LARS2: variants seen among roughly 807,000 people sequenced by gnomAD.
The protein encoded by LARS2 is leucyl-tRNA synthetase 2, mitochondrial, also known as leucine--tRNA ligase, mitochondrial.
In LARS2, 81 loss-of-function variants were observed where a neutral mutation model predicts 116.6. That is an observed-to-expected ratio of 0.69 (90% confidence interval 0.58 to 0.84). LARS2 has a LOEUF of 0.84. Among genes scored for constraint, LARS2 ranks in the 40% least tolerant of loss-of-function variants. LARS2 has a pLI of 0.00. For synonymous variants in LARS2, 396 were observed against 407.2 expected (o/e 0.97, Z 0.33); for missense variants, 968 against 1,114.5 (o/e 0.87, Z 1.87).
chr3:45,486,851 G>A (rs887019788), intron 11 of LARS2, among the ~76,000 whole-genome samples: 1 of 151,990 alleles, frequency 6.6e-6, no homozygotes, highest in Admixed American at 6.6e-5. Flanking sequence ...TTGTTTGTTT[G>A]TTTGTTTGAT....
intron 10 of LARS2, among the ~76,000 whole-genome samples, chr3:45,484,243 C>G (rs542769231): frequency 6.6e-6 from 1 of 151,804 alleles, no homozygotes; most frequent in Non-Finnish European, 1.5e-5. Context: ...TACATGAAAT[C>G]TTAAAACATG....
intron 6 of LARS2, among the ~76,000 whole-genome samples, chr3:45,429,910 C>T (rs1230106965): frequency 1.3e-5 from 2 of 150,782 alleles, no homozygotes; most frequent in East Asian, 3.9e-4. Flanking sequence ...CCATGTTTTC[C>T]AGGCTGGTCT....
At chr3:45,457,228 A>C (rs986210435) in intron 7 of LARS2, among the ~76,000 whole-genome samples, 23 of 152,226 alleles carry the variant, frequency 1.5e-4, no homozygotes, top group Non-Finnish European at 2.9e-4. Flanking sequence ...GGAAGCAGCC[A>C]GTGTGCCTGT....
chr3:45,471,040 T>TAAAAAAAAAAA (rs55749404), intron 8 of LARS2, among the ~76,000 whole-genome samples: 1 of 43,852 alleles, frequency 2.3e-5, no homozygotes, highest in Non-Finnish European at 4.0e-5. Context: ...ATTACAACAC[T>TAAAAAAAAAAA]AAAAAAAAAA....
chr3:45,444,290 G>A (rs1474530535), intron 6 of LARS2, among the ~76,000 whole-genome samples: 7 of 149,524 alleles, frequency 4.7e-5, no homozygotes, highest in African/African-American at 7.4e-5. Context: ...TGGGATTATA[G>A]GCATGAGCCA....
chr3:45,460,156 A>G (rs921542181), intron 8 of LARS2, among the ~76,000 whole-genome samples: 1 of 152,220 alleles, frequency 6.6e-6, no homozygotes, highest in Non-Finnish European at 1.5e-5. Flanking sequence ...TTGTTTTTCC[A>G]TTTTCATTTA....
At chr3:45,515,046 C>T (rs1206113340) in intron 16 of LARS2, among the ~76,000 whole-genome samples, 2 of 152,160 alleles carry the variant, frequency 1.3e-5, no homozygotes, top group Non-Finnish European at 2.9e-5. Context: ...GTCTGTACAT[C>T]GGTCCCCTGT....
At chr3:45,533,394 G>A (rs1451157236) in intron 20 of LARS2, among the ~76,000 whole-genome samples, 9 of 151,784 alleles carry the variant, frequency 5.9e-5, no homozygotes, top group Non-Finnish European at 8.8e-5. Flanking sequence ...TGATCCGCCC[G>A]CCTCGGCCTA....
At chr3:45,416,606 A>G (rs1698425883) in intron 4 of LARS2, among the ~76,000 whole-genome samples, 1 of 152,214 alleles carries the variant, frequency 6.6e-6, no homozygotes, top group Non-Finnish European at 1.5e-5. Context: ...TTGAATATCC[A>G]ATATCTGCAC....
intron 14 of LARS2, among the ~76,000 whole-genome samples, chr3:45,498,220 G>GC (rs1255838976): frequency 6.6e-6 from 1 of 152,236 alleles, no homozygotes; most frequent in African/African-American, 2.4e-5. Flanking sequence ...GACCGTCACA[G>GC]CCCCCAGTTT....
chr3:45,491,516 G>A lies in LARS2; in HGVS notation c.1240-1G>A, dbSNP rs934134270. Reference sequence around the variant, plus strand: ...TGAGCTTTCTTTTCTTTCCCTGTCAGTTCACAGGTATGACCCGGCAGGATG... The same window carrying A: ...TGAGCTTTCTTTTCTTTCCCTGTCAATTCACAGGTATGACCCGGCAGGATG... On this transcript the variant is annotated splice_acceptor_variant, in intron 12 of 21. Transcript: ENST00000645846. LOFTEE classifies it high-confidence loss of function. The A allele has an allele frequency of 1.9e-6, 3 of 1,613,556 alleles. No homozygotes were observed. The East Asian group carries it at 6.7e-5, about 36-fold the overall frequency.
chr3:45,410,654 C>T (rs1373967408), intron 4 of LARS2, among the ~76,000 whole-genome samples: 1 of 152,202 alleles, frequency 6.6e-6, no homozygotes, highest in Non-Finnish European at 1.5e-5. Context: ...CTTCTCTCCA[C>T]ATGCCAGCTT....
chr3:45,542,078 A>G, intron 21 of LARS2, 122 bp downstream of exon 21: 1 of 1,272,046 alleles, frequency 7.9e-7, no homozygotes, highest in Non-Finnish European at 1.1e-6. Flanking sequence ...CTCAGCCCTC[A>G]GCCACACCTT....
chr3:45,500,867 G>GT (rs1413646808), intron 15 of LARS2, among the ~76,000 whole-genome samples: 1 of 152,064 alleles, frequency 6.6e-6, no homozygotes, highest in Non-Finnish European at 1.5e-5. Flanking sequence ...GGCCCATAGT[G>GT]TTTTATAGCA....
chr3:45,469,736 G>A (rs1322869730), intron 8 of LARS2, among the ~76,000 whole-genome samples: 2 of 152,106 alleles, frequency 1.3e-5, no homozygotes, highest in East Asian at 1.9e-4. Flanking sequence ...GCACATTCTA[G>A]AGGGAATGTC....
At chr3:45,494,874 C>T (rs1640393037) in intron 13 of LARS2, among the ~76,000 whole-genome samples, 1 of 152,136 alleles carries the variant, frequency 6.6e-6, no homozygotes. Flanking sequence ...TCGAGACCAG[C>T]CTGGCCAACA....
intron 10 of LARS2, among the ~76,000 whole-genome samples, chr3:45,485,108 T>A (rs560315248): frequency 1.3e-5 from 2 of 152,308 alleles, no homozygotes; most frequent in South Asian, 4.1e-4. Flanking sequence ...TCCTCATACT[T>A]TTTTCTTTGT....
intron 3 of LARS2, among the ~76,000 whole-genome samples, chr3:45,399,664 TG>T (rs1698110341): frequency 6.6e-6 from 1 of 152,122 alleles, no homozygotes; most frequent in Non-Finnish European, 1.5e-5. Flanking sequence ...CATAGGTTTT[TG>T]GGGTACAGGT....
At chr3:45,430,273 T>C (rs938949304) in intron 6 of LARS2, among the ~76,000 whole-genome samples, 60 of 56,680 alleles carry the variant, frequency 1.1e-3, no homozygotes, top group Non-Finnish European at 1.7e-3. Flanking sequence ...CACCCGGCCA[T>C]TTTTTTTTTT....
Sources: allele counts gnomAD v4.1 joint callset (sites outside exome capture counted in the v4.1 genomes callset), GRCh38; gene constraint gnomAD v4.1.1; transcripts MANE v1.5; gene names NCBI Gene and HGNC (gene_info 2026-07-23, HGNC 2026-07-21).